The following HECTD4 variants were observed in gnomAD, a reference collection of about 807,000 sequenced individuals.
The protein encoded by HECTD4 is HECT domain E3 ubiquitin protein ligase 4.
A neutral mutation model predicts 471.5 loss-of-function variants in HECTD4; 114 were observed. The observed-to-expected ratio is 0.24, with a 90% CI of 0.21 to 0.28. HECTD4 has a LOEUF of 0.28. HECTD4 is among the 10% of genes least tolerant of loss of function. The pLI, the probability that HECTD4 is intolerant of heterozygous loss-of-function variation, is 1.00. For synonymous variants in HECTD4, 2,012 were observed against 2,256.0 expected, an observed-to-expected ratio of 0.89 and a Z score of 3.07; for missense variants, 3,866 against 5,651.5, an observed-to-expected ratio of 0.68 and a Z score of 10.13.
At position 112,207,865 on chromosome 12, in the gene HECTD4, G is replaced by A. The variant is rs370998174; in HGVS notation, c.8131+9C>T. The A allele has an allele frequency of 5.6e-4, 899 of 1,613,356 alleles. No individual in the cohort carries two copies. The highest frequency in any genetic ancestry group is 7.0e-4 in the Non-Finnish European group (820 of 1,179,616). On this transcript the variant is annotated intron_variant, in intron 52 of 75. Coordinates refer to ENST00000682272, the MANE Select transcript of HECTD4 (RefSeq NM_001388303.1). ...AGTAACCTCCTTAGCAGAACAAAAA[G>A]TACCAGACCTAGTTGTAAGGCCCCC...
chr12:112,359,808 G>A (rs1339207646), intron 1 of HECTD4, among the ~76,000 whole-genome samples: 1 of 151,958 alleles, frequency 6.6e-6, no homozygotes, highest in East Asian at 1.9e-4. Flanking sequence ...GAACTTCTGG[G>A]CTCAACTGAT....
At chr12:112,323,991 TTCC>T (rs2035662056) in intron 1 of HECTD4, among the ~76,000 whole-genome samples, 1 of 37,642 alleles carries the variant, frequency 2.7e-5, no homozygotes, top group African/African-American at 2.7e-4. Context: ...CCTTCCTTCC[TTCC>T]TTCCTTCCTT....
chr12:112,359,277 T>C, intron 1 of HECTD4, among the ~76,000 whole-genome samples: 1 of 150,024 alleles, frequency 6.7e-6, no homozygotes, highest in Admixed American at 6.6e-5. Context: ...GAATCTTCTC[T>C]ACCATGTGAA....
intron 7 of HECTD4, among the ~76,000 whole-genome samples, chr12:112,293,634 C>A (rs183039318): frequency 6.6e-6 from 1 of 152,220 alleles, no homozygotes; most frequent in East Asian, 1.9e-4. Flanking sequence ...TAATAAATCA[C>A]CATTTGTGTA....
intron 37 of HECTD4, among the ~76,000 whole-genome samples, chr12:112,234,127 A>T (rs779924905): frequency 9.2e-5 from 14 of 152,114 alleles, no homozygotes; most frequent in Non-Finnish European, 1.8e-4. Flanking sequence ...CACCTATCTC[A>T]AACTATTTTT....
chr12:112,281,862 T>C (rs1276246013), intron 8 of HECTD4, among the ~76,000 whole-genome samples: 2 of 152,190 alleles, frequency 1.3e-5, no homozygotes, highest in Non-Finnish European at 2.9e-5. Flanking sequence ...TTTTTCTAGC[T>C]TTATCTTTTA....
At position 112,192,771 on chromosome 12, in the gene HECTD4, A is replaced by G. The variant is rs1252910340; in HGVS notation, c.9087-6T>C. On this transcript the variant is annotated splice_region_variant and splice_polypyrimidine_tract_variant and intron_variant, in intron 58 of 75. Coordinates refer to ENST00000682272, the MANE Select transcript of HECTD4 (RefSeq NM_001388303.1). ...GTGCCTTGTACAGAGAGGAGCTGAG[A>G]AGGAGGGATGGGTGGGTGTTAATAC... 1.3e-6 allele frequency: 2 copies of G among 1,571,144 alleles called. No individual in the cohort carries two copies. Among genetic ancestry groups the G allele is most frequent in the African/African-American group, 2.7e-5 (2 of 74,170 alleles).
In HECTD4 at chr12:112,212,579, G is replaced by A. The variant is rs117505183; in HGVS notation, c.7537C>T (p.Arg2513Trp). ...TGCCCGCAGTATGTGAAGTACACCC[G>A]GCCCTTGGCTGGCTGTCCCGGAGGA... Reference protein sequence around the residue: ...PPPPGQPAKGRVYFTYCGQRL... With the variant: ...PPPPGQPAKGWVYFTYCGQRL... The change falls in exon 49 of 76, where the codon CGG (arginine) becomes TGG (tryptophan). Residue 2513 changes from arginine to tryptophan, a missense_variant. Coordinates refer to ENST00000682272, the MANE Select transcript of HECTD4 (RefSeq NM_001388303.1). 6.2e-6 allele frequency: 10 copies of A among 1,613,648 alleles called. No individual in the cohort carries two copies. The highest frequency in any genetic ancestry group is 1.7e-5 in the Admixed American group (1 of 59,992).
intron 25 of HECTD4, among the ~76,000 whole-genome samples, chr12:112,249,280 G>A (rs1405560899): frequency 1.3e-5 from 2 of 151,784 alleles, no homozygotes; most frequent in African/African-American, 4.8e-5. Context: ...CTTGAAACTA[G>A]GAGACAGAGG....
Position 112,279,244 on chromosome 12 carries a change from A to G in HECTD4, c.1671T>C (p.Gly557=), listed in dbSNP as rs2034586972. The G allele has an allele frequency of 6.2e-7, 1 of 1,607,858 alleles. No homozygotes were observed. Among genetic ancestry groups the G allele is most frequent in the Non-Finnish European group, 8.5e-7 (1 of 1,178,696 alleles). ...TTCACTTACTTTTTAAAGATGACAA[A>G]CCACTTGTTCCACCAAAAAGAGATC... ...ATRSLFGGTS[G]LSSLKILASS... The change falls in exon 9 of 76, where the codon GGT becomes GGC. Residue 557 remains glycine, a synonymous_variant. Coordinates refer to ENST00000682272, the MANE Select transcript of HECTD4 (RefSeq NM_001388303.1).
At chr12:112,331,966 C>A (rs2035851856) in intron 1 of HECTD4, among the ~76,000 whole-genome samples, 1 of 151,972 alleles carries the variant, frequency 6.6e-6, no homozygotes, top group South Asian at 2.1e-4. Context: ...TAGAGTGTGT[C>A]CAGAAGAAGA....
chr12:112,372,584 C>G (rs1344381581), intron 1 of HECTD4, among the ~76,000 whole-genome samples: 1 of 151,832 alleles, frequency 6.6e-6, no homozygotes, highest in Non-Finnish European at 1.5e-5. Context: ...GCACCTGGCC[C>G]ATGTCTAGCT....
In HECTD4 at chr12:112,161,289, TG is replaced by T. The variant is rs2030679396; in HGVS notation, c.*1097del. On this transcript the variant is annotated 3_prime_UTR_variant, in exon 76 of 76. Transcript: ENST00000682272. ...GGTGAGCCTGGAGGCAGCTCAGCCC[TG>T]GCATACACACTTACATGGGGTGATG... 1.3e-5 allele frequency: 2 copies of T among 152,198 alleles called. No individual in the cohort carries two copies. Among genetic ancestry groups the T allele is most frequent in the Non-Finnish European group, 2.9e-5 (2 of 68,086 alleles). 9.4% of individuals were successfully genotyped at this position (152,198 alleles called of 1,614,324 possible). A position where few individuals can be genotyped will look rare whatever the true frequency, so the allele number is the denominator to read the frequency against.
Position 112,188,537 on chromosome 12 carries a change from T to C in HECTD4, c.9472+2249A>G, listed in dbSNP as rs1211704589. On this transcript the variant is annotated intron_variant, in intron 60 of 75. Transcript: ENST00000682272. The surrounding 1 kb of genome is among the most constrained non-coding windows in gnomAD (Gnocchi z 4.2). ...GTACGTGAGACACGATTAGGGATCA[T>C]GAACATCTAAAGCCTGTGTCCCACT... Among the ~76,000 whole-genome samples the C allele has an allele frequency of 6.6e-6, 1 of 152,234 alleles. No individual in the cohort carries two copies. Among genetic ancestry groups the C allele is most frequent in the Non-Finnish European group, 1.5e-5 (1 of 68,034 alleles).
chr12:112,164,205 G>A lies in HECTD4; in HGVS notation c.12605C>T (p.Pro4202Leu). ...GCAGCAGGGCTTGTTGGGGCTGTCA[G>A]GGCTCTCCGTGGCCAGGTGCTGGGA... is the stretch of plus-strand genomic sequence containing the variant. ...IASQHLATES[P>L]DSPNKPCCRF... Residue 4202 changes from proline (P) to leucine (L), a missense_variant, in exon 73 of 76, where the codon CCT (proline) becomes CTT (leucine). Pro to Leu is a moderately conservative substitution (Grantham distance 98, BLOSUM62 -3). Around this residue, in one of 16 missense-constraint regions of HECTD4, gnomAD observed 715 missense variants for 1,087.6 expected, o/e 0.66. Coordinates refer to ENST00000682272, the MANE Select transcript of HECTD4 (RefSeq NM_001388303.1). The A allele has an allele frequency of 6.2e-7, 1 of 1,613,772 alleles. No individual in the cohort carries two copies. Among genetic ancestry groups the A allele is most frequent in the Non-Finnish European group, 8.5e-7 (1 of 1,179,860 alleles).
intron 64 of HECTD4, 131 bp from the exon 65 acceptor site, chr12:112,176,833 G>A (rs879079403): frequency 1.4e-6 from 1 of 713,460 alleles, no homozygotes; most frequent in Non-Finnish European, 2.4e-6. Flanking sequence ...ATAGGGCGGG[G>A]GCGTTCAAGA....
At chr12:112,328,817 T>G (rs1449661277) in intron 1 of HECTD4, among the ~76,000 whole-genome samples, 1 of 152,208 alleles carries the variant, frequency 6.6e-6, no homozygotes, top group South Asian at 2.1e-4. Context: ...GATATTAAAT[T>G]TCCACACTTT....
chr12:112,370,479 G>C (rs2036644517), intron 1 of HECTD4, among the ~76,000 whole-genome samples: 1 of 152,154 alleles, frequency 6.6e-6, no homozygotes, highest in Non-Finnish European at 1.5e-5. Context: ...TAAAAATAAT[G>C]TGGTAGATAT....
At position 112,162,157 on chromosome 12, in the gene HECTD4, A is replaced by G; in HGVS notation, c.*230T>C. On this transcript the variant is annotated 3_prime_UTR_variant, in exon 76 of 76. Coordinates refer to ENST00000682272, the MANE Select transcript of HECTD4 (RefSeq NM_001388303.1). The surrounding 1 kb of genome is among the most constrained non-coding windows in gnomAD (Gnocchi z 5.2). ...ACACAAACTGTCTGGGAACTAAACTATCCTACAAATAGACCACAAACAGGC... is the reference window on the plus strand; with the variant it reads ...ACACAAACTGTCTGGGAACTAAACTGTCCTACAAATAGACCACAAACAGGC... The G allele has an allele frequency of 1.9e-6, 1 of 522,088 alleles. No homozygotes were observed. The allele number at this position is 522,088 out of a possible 1,614,324, so 32.3% of individuals were successfully genotyped here.
Sources: gnomAD v4.1 joint callset for allele counts (sites outside exome capture counted in the v4.1 genomes callset) on GRCh38, gnomAD v4.1.1 for gene constraint, gnomAD v4.1.1 regional missense constraint, Gnocchi (gnomAD v3.1) non-coding constraint, MANE v1.5 for transcripts, NCBI Gene and HGNC (gene_info 2026-07-23, HGNC 2026-07-21) for gene names.